Variants in WDR49 observed in about 807,000 individuals in gnomAD.
WDR49 encodes WD repeat domain 49.
A neutral mutation model predicts 119.5 loss-of-function variants in WDR49; 107 were observed. That is an observed-to-expected ratio of 0.90 (90% confidence interval 0.77 to 1.05). The LOEUF (loss-of-function observed/expected upper bound fraction) is 1.05. WDR49 is among the 50% of genes least tolerant of loss of function. The pLI is 0.00. For synonymous variants in WDR49, 425 were observed against 418.8 expected (o/e 1.01, Z -0.18); for missense variants, 1,240 against 1,220.5 (o/e 1.02, Z -0.24).
intron 5 of WDR49, among the ~76,000 whole-genome samples, chr3:167,612,019 G>C (rs1716363164): frequency 6.6e-6 from 1 of 152,166 alleles, no homozygotes; most frequent in Admixed American, 6.5e-5. Flanking sequence ...CCATCCAAAA[G>C]CTGCAGAATA....
At chr3:167,492,994 C>T (rs1751210291) in intron 18 of WDR49, among the ~76,000 whole-genome samples, 1 of 152,096 alleles carries the variant, frequency 6.6e-6, no homozygotes, top group Non-Finnish European at 1.5e-5. Context: ...TTGATGCCTG[C>T]TCTGTGCTGA....
At chr3:167,568,811 T>C (rs949434119) in intron 8 of WDR49, among the ~76,000 whole-genome samples, 3 of 152,194 alleles carry the variant, frequency 2.0e-5, no homozygotes, top group Non-Finnish European at 4.4e-5. Context: ...GGTAATTTAA[T>C]GTAGAGAGCA....
rs116683097 is a variant in WDR49, at chr3:167,649,357, G to A, written c.165+3904C>T. ...GCCCAATCTGACTTTCTATATTCCT[G>A]TAGAGCCTAGCTTGCCTGGCAGGAC... On this transcript the variant is annotated intron_variant, in intron 2 of 18. Transcript: ENST00000682715. 2.1e-3 allele frequency among the ~76,000 whole-genome samples: 325 copies of A among 152,242 alleles called. 1 individual carries two copies. The highest frequency in any genetic ancestry group is 7.3e-3 in the African/African-American group (303 of 41,534).
chr3:167,531,010 G>T lies in WDR49; in HGVS notation c.2218+105C>A, dbSNP rs1693053181. The T allele has an allele frequency of 2.2e-5, 26 of 1,190,396 alleles. No homozygotes were observed. The South Asian group carries it at 3.7e-4, about 17-fold the overall frequency. 73.7% of individuals were successfully genotyped at this position (1,190,396 alleles called of 1,614,324 possible). A position where few individuals can be genotyped will look rare whatever the true frequency, so the allele number is the denominator to read the frequency against. ...GACCTCACTTGACACACTACTGACT[G>T]GTTAGCTACGTGCAGTCAAATTCTA... On this transcript the variant is annotated intron_variant, in intron 13 of 18. Transcript: ENST00000682715.
In WDR49 at chr3:167,529,144, C is replaced by T. The variant is rs777546664; in HGVS notation, c.2314G>A (p.Gly772Arg). 5.6e-6 allele frequency: 9 copies of T among 1,612,054 alleles called. No homozygotes were observed. The South Asian group carries it at 8.8e-5, about 16-fold the overall frequency. The change falls in exon 14 of 19, where the codon GGA (glycine) becomes AGA (arginine). Residue 772 changes from glycine to arginine, a missense_variant. Coordinates refer to ENST00000682715, the MANE Select transcript of WDR49 (RefSeq NM_001366157.1). ...QLLAEFLAHS[G>R]VGSIIMSTDK... The stretch of plus-strand genomic sequence containing the variant: ...GTAGACATAATAATCGATCCAACTC[C>T]ACTATGAGCCAAAAATTCAGCCAGA...
rs546415214 is a variant in WDR49 at position 167,547,043 on chromosome 3, TG to T, written c.1823+7606del. Among the ~76,000 whole-genome samples, 977 of 151,854 alleles carry T rather than the reference TG, an allele frequency of 6.4e-3. 13 individuals carry two copies. Among genetic ancestry groups the T allele is most frequent in the African/African-American group, 0.022 (922 of 41,500 alleles). ...ATATAAATTGTATGTAAGAATTATTTGTGAATTTCAAAAATACCTGCCCCCT... is the reference window on the plus strand; with the variant it reads ...ATATAAATTGTATGTAAGAATTATTTTGAATTTCAAAAATACCTGCCCCCT... On this transcript the variant is annotated intron_variant, in intron 10 of 18. Coordinates refer to ENST00000682715, the MANE Select transcript of WDR49 (RefSeq NM_001366157.1).
In WDR49 at chr3:167,621,605, A is replaced by G. The variant is rs890933221; in HGVS notation, c.645T>C (p.Tyr215=). The stretch of plus-strand genomic sequence containing the variant: ...CAAATTCTTCTTTGGACAGCAGATC[A>G]TAGAAACAAACCTCTTTACTTGTAA... ...VAFTSKEVCF[Y]DLLSKEEFAC... is the part of the protein sequence containing the mutation. Residue 215 remains tyrosine (Y), a synonymous_variant, in exon 4 of 19, where the codon TAT becomes TAC. Transcript: ENST00000682715. 5 of 1,534,758 alleles carry G rather than the reference A, an allele frequency of 3.3e-6. No homozygotes were observed. The highest frequency in any genetic ancestry group is 1.7e-4 in the Middle Eastern group (1 of 5,982).
At chr3:167,540,464 G>A (rs1711747040) in intron 10 of WDR49, among the ~76,000 whole-genome samples, 1 of 152,076 alleles carries the variant, frequency 6.6e-6, no homozygotes, top group South Asian at 2.1e-4. Flanking sequence ...CTGGCTCGTA[G>A]GAAGCCCCAT....
intron 2 of WDR49, among the ~76,000 whole-genome samples, chr3:167,648,665 C>T (rs188159275): frequency 2.0e-5 from 3 of 152,248 alleles, no homozygotes; most frequent in Admixed American, 6.5e-5. Context: ...CTTGAAGTAA[C>T]TTGAAGTTAC....
At chr3:167,629,984 A>G (rs1717296714) in intron 2 of WDR49, among the ~76,000 whole-genome samples, 1 of 152,136 alleles carries the variant, frequency 6.6e-6, no homozygotes. Flanking sequence ...TGGTTGAATG[A>G]CAACAAAGAT....
intron 5 of WDR49, among the ~76,000 whole-genome samples, chr3:167,619,566 A>G (rs1408822782): frequency 6.6e-6 from 1 of 152,188 alleles, no homozygotes; most frequent in African/African-American, 2.4e-5. Context: ...TGAAACCCAA[A>G]GAGGGTAAAA....
At chr3:167,557,951 T>C (rs1713041719) in intron 9 of WDR49, among the ~76,000 whole-genome samples, 1 of 152,034 alleles carries the variant, frequency 6.6e-6, no homozygotes. Context: ...TATAGTAGGC[T>C]GCCATCAAGA....
At chr3:167,576,291 A>G in intron 7 of WDR49, 140 bp from the exon 8 acceptor site, 1 of 660,386 alleles carries the variant, frequency 1.5e-6, no homozygotes. Flanking sequence ...CAATTCTGCC[A>G]TAGCACCTAT....
intron 5 of WDR49, among the ~76,000 whole-genome samples, chr3:167,614,455 A>G (rs1577278236): frequency 6.6e-6 from 1 of 152,170 alleles, no homozygotes; most frequent in East Asian, 1.9e-4. Flanking sequence ...GATACTGTCT[A>G]TATGAGGAGG....
intron 2 of WDR49, among the ~76,000 whole-genome samples, chr3:167,651,113 AT>A (rs1718357048): frequency 6.6e-6 from 1 of 152,204 alleles, no homozygotes; most frequent in South Asian, 2.1e-4. Context: ...CACGTAAAAC[AT>A]TTACTGCATA....
At chr3:167,485,351 A>C (rs962853733) in intron 18 of WDR49, among the ~76,000 whole-genome samples, 1 of 152,106 alleles carries the variant, frequency 6.6e-6, no homozygotes, top group Non-Finnish European at 1.5e-5. Flanking sequence ...CCTAGAACTC[A>C]AAGTAAATAA....
intron 7 of WDR49, among the ~76,000 whole-genome samples, chr3:167,588,260 A>G (rs1467694488): frequency 6.6e-6 from 1 of 152,170 alleles, no homozygotes; most frequent in Admixed American, 6.6e-5. Flanking sequence ...AGTTCCAACC[A>G]TGTTATTGCA....
chr3:167,523,683 G>C (rs903585382), intron 15 of WDR49, among the ~76,000 whole-genome samples: 2 of 152,056 alleles, frequency 1.3e-5, no homozygotes, highest in African/African-American at 2.4e-5. Flanking sequence ...TGCTGAGGAT[G>C]ATGGTTTCCA....
At chr3:167,631,307 T>C (rs906664895) in intron 2 of WDR49, among the ~76,000 whole-genome samples, 1 of 151,896 alleles carries the variant, frequency 6.6e-6, no homozygotes, top group Non-Finnish European at 1.5e-5. Flanking sequence ...TGGTAAAAAA[T>C]AAATAAATAA....
Sources: gnomAD v4.1 joint callset for allele counts (sites outside exome capture counted in the v4.1 genomes callset) on GRCh38, gnomAD v4.1.1 for gene constraint, MANE v1.5 for transcripts, NCBI Gene and HGNC (gene_info 2026-07-23, HGNC 2026-07-21) for gene names.